Variants in FSTL5 observed in about 807,000 individuals in gnomAD.
FSTL5 encodes the protein follistatin-related protein 5.
FSTL5 carries 62 observed loss-of-function variants against 89.1 expected under a neutral mutation model. The observed-to-expected ratio is 0.70, with a 90% CI of 0.57 to 0.86. The LOEUF is 0.86. FSTL5 is among the 40% of genes least tolerant of loss of function. FSTL5 has a pLI of 0.00. For synonymous variants in FSTL5, 383 were observed against 346.2 expected (o/e 1.11, Z -1.18); for missense variants, 1,057 against 1,001.6 (o/e 1.06, Z -0.75).
At chr4:161,591,379 C>T (rs1013480866) in intron 7 of FSTL5, among the ~76,000 whole-genome samples, 4 of 152,086 alleles carry the variant, frequency 2.6e-5, no homozygotes, top group African/African-American at 9.7e-5. Context: ...TTCTAAACTT[C>T]GACAGCCATG....
chr4:161,927,524 T>G lies in FSTL5; in HGVS notation c.161-6872A>C, dbSNP rs10024654. Among the ~76,000 whole-genome samples the G allele has an allele frequency of 4.6e-3, 705 of 151,812 alleles. 6 individuals are homozygous for G. Among genetic ancestry groups the G allele is most frequent in the African/African-American group, 0.016 (679 of 41,498 alleles). On this transcript the variant is annotated intron_variant, in intron 3 of 15. Coordinates refer to ENST00000306100, the MANE Select transcript of FSTL5 (RefSeq NM_020116.5). ...GTTAATATATTTTTTAATGAAGATATAGTAATTTCTGTTATAATTATAAAA... is the reference window on the plus strand; with the variant it reads ...GTTAATATATTTTTTAATGAAGATAGAGTAATTTCTGTTATAATTATAAAA...
At chr4:162,048,204 G>A (rs1482459879) in intron 2 of FSTL5, among the ~76,000 whole-genome samples, 1 of 151,852 alleles carries the variant, frequency 6.6e-6, no homozygotes, top group African/African-American at 2.4e-5. Context: ...GCACGTGCTT[G>A]TATTCTCAGC....
At chr4:161,684,171 C>T (rs193113154) in intron 6 of FSTL5, among the ~76,000 whole-genome samples, 13 of 152,216 alleles carry the variant, frequency 8.5e-5, no homozygotes, top group African/African-American at 2.9e-4. Context: ...TTTAACCACT[C>T]GTTGATTGAT....
At chr4:161,411,053 C>G (rs1470257332) in intron 15 of FSTL5, among the ~76,000 whole-genome samples, 1 of 140,832 alleles carries the variant, frequency 7.1e-6, no homozygotes, top group African/African-American at 2.6e-5. Flanking sequence ...TCCTCAGAGA[C>G]TACTATGAAC....
intron 7 of FSTL5, among the ~76,000 whole-genome samples, chr4:161,615,746 C>T (rs1334909575): frequency 6.6e-6 from 1 of 152,072 alleles, no homozygotes; most frequent in Non-Finnish European, 1.5e-5. Context: ...AGATTGAATT[C>T]TCCTCACTAT....
At chr4:161,670,187 C>G (rs1189565337) in intron 6 of FSTL5, among the ~76,000 whole-genome samples, 1 of 152,138 alleles carries the variant, frequency 6.6e-6, no homozygotes, top group Non-Finnish European at 1.5e-5. Context: ...AGAGAAATTG[C>G]ATATACATAT....
intron 2 of FSTL5, among the ~76,000 whole-genome samples, chr4:162,062,146 C>A (rs976540973): frequency 6.6e-6 from 1 of 151,590 alleles, no homozygotes; most frequent in East Asian, 1.9e-4. Context: ...TTATATATAA[C>A]AAATATTTCT....
intron 8 of FSTL5, among the ~76,000 whole-genome samples, chr4:161,570,147 C>A (rs1732957521): frequency 6.6e-6 from 1 of 152,080 alleles, no homozygotes; most frequent in African/African-American, 2.4e-5. Flanking sequence ...AGGCTATGTG[C>A]AGTTTTGTAG....
At chr4:161,540,810 G>T (rs558335337) in intron 9 of FSTL5, among the ~76,000 whole-genome samples, 31 of 151,848 alleles carry the variant, frequency 2.0e-4, no homozygotes, top group South Asian at 4.2e-4. Context: ...TCTAAATGTC[G>T]CAAGAACATG....
intron 2 of FSTL5, among the ~76,000 whole-genome samples, chr4:162,067,015 A>G (rs1738943752): frequency 6.6e-6 from 1 of 151,990 alleles, no homozygotes; most frequent in African/African-American, 2.4e-5. Flanking sequence ...ACTGTCTTCC[A>G]CAATGGTTGA....
At chr4:161,610,446 G>A (rs1734594152) in intron 7 of FSTL5, among the ~76,000 whole-genome samples, 1 of 152,110 alleles carries the variant, frequency 6.6e-6, no homozygotes, top group Admixed American at 6.5e-5. Flanking sequence ...GCCTAAGAAG[G>A]AAACTGATTC....
At chr4:161,459,140 T>C (rs1420991009) in intron 14 of FSTL5, 72 bp downstream of exon 14, 10 of 960,082 alleles carry the variant, frequency 1.0e-5, no homozygotes, top group South Asian at 1.4e-5. Context: ...GGTTAAATGA[T>C]CACAAATATC....
intron 6 of FSTL5, 47 bp downstream of exon 6, chr4:161,759,364 A>G: frequency 1.9e-6 from 3 of 1,553,106 alleles, no homozygotes; most frequent in Non-Finnish European, 2.6e-6. Flanking sequence ...GTGTAAAGCA[A>G]CAGGAAAAAG....
At chr4:161,552,858 G>C (rs933598559) in intron 8 of FSTL5, among the ~76,000 whole-genome samples, 1 of 151,498 alleles carries the variant, frequency 6.6e-6, no homozygotes, top group South Asian at 2.1e-4. Flanking sequence ...ATATAAATGA[G>C]GACTGATGGC....
intron 6 of FSTL5, among the ~76,000 whole-genome samples, chr4:161,700,671 C>T (rs1221462197): frequency 1.3e-5 from 2 of 152,072 alleles, no homozygotes; most frequent in Admixed American, 1.3e-4. Context: ...GCCACTGTGC[C>T]TGGCCAAGAG....
chr4:161,731,080 T>A (rs1739590070), intron 6 of FSTL5, among the ~76,000 whole-genome samples: 1 of 152,192 alleles, frequency 6.6e-6, no homozygotes, highest in Non-Finnish European at 1.5e-5. Context: ...CTGTTTATTG[T>A]TAATCAATAT....
At chr4:161,681,730 C>A (rs1356204952) in intron 6 of FSTL5, among the ~76,000 whole-genome samples, 1 of 151,956 alleles carries the variant, frequency 6.6e-6, no homozygotes, top group Non-Finnish European at 1.5e-5. Context: ...TATTATCTCA[C>A]CTAAATTTAA....
At chr4:161,775,500 A>G (rs1403281287) in intron 5 of FSTL5, among the ~76,000 whole-genome samples, 1 of 152,166 alleles carries the variant, frequency 6.6e-6, no homozygotes, top group Non-Finnish European at 1.5e-5. Context: ...GTTGTTCGGT[A>G]GTGCCCTTGA....
At chr4:162,108,859 T>G (rs935004723) in intron 2 of FSTL5, among the ~76,000 whole-genome samples, 1 of 151,948 alleles carries the variant, frequency 6.6e-6, no homozygotes, top group Admixed American at 6.6e-5. Context: ...ATAAAGTCAT[T>G]TGTTCGCCAT....
Sources: gnomAD v4.1 joint callset for allele counts (sites outside exome capture counted in the v4.1 genomes callset) on GRCh38, gnomAD v4.1.1 for gene constraint, MANE v1.5 for transcripts, NCBI Gene and HGNC (gene_info 2026-07-23, HGNC 2026-07-21) for gene names.